MYT1L: variants seen among roughly 807,000 people sequenced by gnomAD.
MYT1L encodes the protein myelin transcription factor 1-like protein.
A neutral mutation model predicts 126.7 loss-of-function variants in MYT1L; 12 were observed. The observed-to-expected ratio is 0.09, with a 90% CI of 0.06 to 0.15. MYT1L has a LOEUF of 0.15. MYT1L is among the 10% of genes least tolerant of loss of function. The pLI is 1.00. For synonymous variants in MYT1L, 541 were observed against 604.2 expected (o/e 0.90, Z 1.53); for missense variants, 979 against 1,585.2 (o/e 0.62, Z 6.49).
rs1023550655 is a variant in MYT1L at position 2,083,925 on chromosome 2, C to T, written c.-303-29802G>A. ...TTTCTATACTCATTTTAGTGTAGAC[C>T]GAGAAGGCTACTAAGGAACAGAAAA... On this transcript the variant is annotated intron_variant, in intron 3 of 24. Coordinates refer to ENST00000647738, the MANE Select transcript of MYT1L (RefSeq NM_001303052.2). 2.3e-4 allele frequency among the ~76,000 whole-genome samples: 29 copies of T among 126,230 alleles called. No individual in the cohort carries two copies. In the East Asian group the frequency reaches 4.3e-3, roughly 19 times the overall value. 82.8% of individuals were successfully genotyped at this position (126,230 alleles called of 152,430 possible).
rs539880768 is a variant in MYT1L, at chr2:1,789,506, T to C, written c.*2361A>G. The C allele has an allele frequency of 4.7e-4, 71 of 152,360 alleles. No homozygotes were observed. The highest frequency in any genetic ancestry group is 1.7e-3 in the African/African-American group (70 of 41,586). The allele number at this position is 152,360 out of a possible 1,614,324, so 9.4% of individuals were successfully genotyped here. ...CTATATAATAGTCACAGATAACTTT[T>C]GATTTGAGATTATGTACCAACGTTA... is the stretch of plus-strand genomic sequence containing the variant. On this transcript the variant is annotated 3_prime_UTR_variant, in exon 25 of 25. Transcript: ENST00000647738.
chr2:2,162,835 T>G (rs1575581806), intron 3 of MYT1L, among the ~76,000 whole-genome samples: 1 of 152,204 alleles, frequency 6.6e-6, no homozygotes, highest in East Asian at 1.9e-4. Flanking sequence ...TTTACAGGCG[T>G]CGGAAATGTT....
chr2:1,802,243 C>T (rs1313649153), intron 22 of MYT1L, among the ~76,000 whole-genome samples: 1 of 152,146 alleles, frequency 6.6e-6, no homozygotes, highest in Middle Eastern at 3.2e-3. Flanking sequence ...GTACGTTCAC[C>T]AACAAGGCCA....
At chr2:1,878,984 A>C (rs2047234485) in intron 18 of MYT1L, among the ~76,000 whole-genome samples, 1 of 152,008 alleles carries the variant, frequency 6.6e-6, no homozygotes, top group Admixed American at 6.5e-5. Context: ...AATGCAAAAA[A>C]ACAATACAAG....
intron 3 of MYT1L, among the ~76,000 whole-genome samples, chr2:2,096,008 C>T (rs2077430020): frequency 6.6e-6 from 1 of 152,206 alleles, no homozygotes; most frequent in Non-Finnish European, 1.5e-5. Context: ...TGGCGCCCAC[C>T]TGTGGGTTTT....
chr2:2,286,977 A>T (rs971366364), intron 1 of MYT1L, among the ~76,000 whole-genome samples: 1 of 152,148 alleles, frequency 6.6e-6, no homozygotes, highest in African/African-American at 2.4e-5. Flanking sequence ...ACACACAGAC[A>T]AACACACACA....
At chr2:2,165,494 A>G (rs2088912382) in intron 3 of MYT1L, among the ~76,000 whole-genome samples, 1 of 152,210 alleles carries the variant, frequency 6.6e-6, no homozygotes, top group African/African-American at 2.4e-5. Flanking sequence ...CCAATGCGTA[A>G]TTTCAACAGA....
At position 1,791,621 on chromosome 2, in the gene MYT1L, TA is replaced by T; in HGVS notation, c.*245del. On this transcript the variant is annotated 3_prime_UTR_variant, in exon 25 of 25. Transcript: ENST00000647738. The surrounding 1 kb of genome is among the most constrained non-coding windows in gnomAD (Gnocchi z 6.0). ...CCCCAAATGTGCATACATCAGCAGCTATAAACATTACATGGCAGAACACTAT... is the reference window on the plus strand; with the variant it reads ...CCCCAAATGTGCATACATCAGCAGCTTAAACATTACATGGCAGAACACTAT... The T allele has an allele frequency of 2.1e-6, 1 of 479,922 alleles. No individual in the cohort carries two copies. The highest frequency in any genetic ancestry group is 3.7e-6 in the Non-Finnish European group (1 of 272,786). The allele number at this position is 479,922 out of a possible 1,614,324, so 29.7% of individuals were successfully genotyped here.
chr2:2,080,163 A>G (rs1011800646), intron 3 of MYT1L, among the ~76,000 whole-genome samples: 15 of 152,208 alleles, frequency 9.9e-5, no homozygotes, highest in Non-Finnish European at 2.1e-4. Context: ...ATATACAAAC[A>G]TGGACGCAAA....
At chr2:1,861,978 G>T (rs2044726677) in intron 18 of MYT1L, among the ~76,000 whole-genome samples, 1 of 152,290 alleles carries the variant, frequency 6.6e-6, no homozygotes. Flanking sequence ...GGATCTGCCT[G>T]CAGCCTGTGT....
chr2:2,045,381 G>A (rs987135418), intron 4 of MYT1L, among the ~76,000 whole-genome samples: 4 of 152,202 alleles, frequency 2.6e-5, no homozygotes, highest in Non-Finnish European at 5.9e-5. Context: ...AGCAGGCCTG[G>A]TGGGAGAGGC....
intron 8 of MYT1L, among the ~76,000 whole-genome samples, chr2:1,972,027 C>A (rs1192844011): frequency 6.6e-6 from 1 of 152,108 alleles, no homozygotes; most frequent in African/African-American, 2.4e-5. Flanking sequence ...CAAGGACGGG[C>A]GTGCATAAAG....
At chr2:2,014,955 T>C (rs2064223148) in intron 4 of MYT1L, among the ~76,000 whole-genome samples, 1 of 152,238 alleles carries the variant, frequency 6.6e-6, no homozygotes, top group African/African-American at 2.4e-5. Context: ...GGACTTTTTT[T>C]TCTCTTCTTA....
intron 9 of MYT1L, among the ~76,000 whole-genome samples, chr2:1,935,917 C>A (rs1410086277): frequency 2.6e-5 from 4 of 152,176 alleles, no homozygotes; most frequent in Admixed American, 2.6e-4. Context: ...CATCCACCTG[C>A]ATCTTTTTTT....
Position 1,922,843 on chromosome 2 carries a change from C to T in MYT1L, c.926G>A (p.Gly309Glu), listed in dbSNP as rs866388756. Reference sequence around the variant, plus strand: ...CTCCTCCACCATCTTTTCCATGAGTCCGTTGTTCATGGGCTTCCCCAACAT... The same window carrying T: ...CTCCTCCACCATCTTTTCCATGAGTTCGTTGTTCATGGGCTTCCCCAACAT... ...YVMLGKPMNN[G>E]LMEKMVEESD... The change falls in exon 10 of 25, where the codon GGA becomes GAA. Residue 309 changes from glycine to glutamate, a missense_variant. This residue lies in a region of MYT1L where 243 missense variants were observed against 363.9 expected (regional missense o/e 0.67). Coordinates refer to ENST00000647738, the MANE Select transcript of MYT1L (RefSeq NM_001303052.2). The surrounding 1 kb of genome is among the most constrained non-coding windows in gnomAD (Gnocchi z 7.4). 1.1e-5 allele frequency: 17 copies of T among 1,613,902 alleles called. No homozygotes were observed. Among genetic ancestry groups the T allele is most frequent in the Non-Finnish European group, 1.3e-5 (15 of 1,179,910 alleles).
chr2:1,959,959 A>G (rs572257850), intron 8 of MYT1L, among the ~76,000 whole-genome samples: 2 of 152,316 alleles, frequency 1.3e-5, no homozygotes, highest in East Asian at 3.9e-4. Context: ...TTATTTATAT[A>G]TTTTCAGTCA....
chr2:2,311,284 AAATC>A (rs2095966190), intron 1 of MYT1L, among the ~76,000 whole-genome samples: 1 of 152,240 alleles, frequency 6.6e-6, no homozygotes, highest in East Asian at 1.9e-4. Flanking sequence ...CCTCCAGACC[AAATC>A]ACACAGATGT....
chr2:2,060,106 G>A (rs2070196776), intron 3 of MYT1L, among the ~76,000 whole-genome samples: 1 of 152,162 alleles, frequency 6.6e-6, no homozygotes, highest in African/African-American at 2.4e-5. Flanking sequence ...GTCATCTCAT[G>A]GCCAGCCACA....
intron 4 of MYT1L, among the ~76,000 whole-genome samples, chr2:2,027,635 A>G (rs892681109): frequency 1.3e-5 from 2 of 152,252 alleles, no homozygotes; most frequent in East Asian, 3.8e-4. Context: ...GATGCAATAT[A>G]ATGACCAAAG....
Sources: gnomAD v4.1 joint callset for allele counts (sites outside exome capture counted in the v4.1 genomes callset) on GRCh38, gnomAD v4.1.1 for gene constraint, gnomAD v4.1.1 regional missense constraint, Gnocchi (gnomAD v3.1) non-coding constraint, MANE v1.5 for transcripts, NCBI Gene and HGNC (gene_info 2026-07-23, HGNC 2026-07-21) for gene names.